The following TERT variants were observed in gnomAD, a reference collection of about 807,000 sequenced individuals.
The protein encoded by TERT is telomerase catalytic subunit.
In TERT, 42 loss-of-function variants were observed where a neutral mutation model predicts 104.0. That is an observed-to-expected ratio of 0.40 (90% CI 0.32 to 0.52). The LOEUF is 0.52. TERT is among the 20% of genes least tolerant of loss of function. The probability of loss-of-function intolerance (pLI) is 0.43; values close to 1 mark genes in which losing one functional copy is unlikely to be tolerated. For synonymous variants in TERT, 781 were observed against 725.6 expected, an observed-to-expected ratio of 1.08 and a Z score of -1.23; for missense variants, 1,101 against 1,610.3, an observed-to-expected ratio of 0.68 and a Z score of 5.41.
At chr5:1,264,859 C>T (rs1193500606) in intron 10 of TERT, among the ~76,000 whole-genome samples, 1 of 152,130 alleles carries the variant, frequency 6.6e-6, no homozygotes, top group Non-Finnish European at 1.5e-5. Context: ...GGAGGTGCAG[C>T]CCCAGTGGCC....
rs530585439 is a variant in TERT at position 1,270,388 on chromosome 5, G to C, written c.2468+731C>G. ...CTTGCTGATGACCTTGAGTGTGCAC[G>C]AATTTCCTCCGTGCTACCACTCTCC... On this transcript the variant is annotated intron_variant, in intron 8 of 15. Transcript: ENST00000310581. The surrounding 1 kb of genome is among the most constrained non-coding windows in gnomAD (Gnocchi z 8.3). 2.6e-5 allele frequency among the ~76,000 whole-genome samples: 4 copies of C among 152,314 alleles called. No homozygotes were observed. Among genetic ancestry groups the C allele is most frequent in the East Asian group, 3.9e-4 (2 of 5,184 alleles).
At chr5:1,275,762 C>A (rs1308320150) in intron 6 of TERT, among the ~76,000 whole-genome samples, 1 of 127,274 alleles carries the variant, frequency 7.9e-6, no homozygotes, top group Non-Finnish European at 1.7e-5. Flanking sequence ...GAAAACCAAT[C>A]CCACAGATCT....
In TERT at chr5:1,271,218, CG is replaced by C. The variant is rs756980454; in HGVS notation, c.2383-15del. On this transcript the variant is annotated splice_polypyrimidine_tract_variant and intron_variant, in intron 7 of 15. Transcript: ENST00000310581. ...CAGGGAGGAGCTCTGCGAAAGCAGA[CG>C]GGAGACACATGGGAGTGAGCCGGTG... 24 of 1,602,958 alleles carry C rather than the reference CG, an allele frequency of 1.5e-5. No homozygotes were observed. Among genetic ancestry groups the C allele is most frequent in the Non-Finnish European group, 2.0e-5 (23 of 1,171,316 alleles).
chr5:1,271,028 C>A, intron 8 of TERT, 91 bp downstream of exon 8: 1 of 1,039,744 alleles, frequency 9.6e-7, no homozygotes, highest in South Asian at 1.3e-5. Flanking sequence ...GGCAGAAGGG[C>A]AGTGGGGAAG....
At chr5:1,264,858 G>A (rs531581115) in intron 10 of TERT, among the ~76,000 whole-genome samples, 2 of 152,242 alleles carry the variant, frequency 1.3e-5, no homozygotes, top group African/African-American at 4.8e-5. Context: ...GGGAGGTGCA[G>A]CCCCAGTGGC....
At chr5:1,291,395 C>A (rs149382195) in intron 2 of TERT, among the ~76,000 whole-genome samples, 7 of 28,596 alleles carry the variant, frequency 2.4e-4, no homozygotes, top group South Asian at 3.0e-3. Flanking sequence ...CCGGGGACAG[C>A]GCCTCACTCA....
chr5:1,255,436 G>T lies in TERT; in HGVS notation c.3033-25C>A. ...CCTGAGAGGATGGCGGACAGCGTCA[G>T]AGGAAAGGCCTCCTAATCAGACGGT... On this transcript the variant is annotated intron_variant, in intron 13 of 15. Transcript: ENST00000310581. The surrounding 1 kb of genome is among the most constrained non-coding windows in gnomAD (Gnocchi z 6.9). 6.2e-7 allele frequency: 1 copy of T among 1,613,818 alleles called. No homozygotes were observed. Among genetic ancestry groups the T allele is most frequent in the Non-Finnish European group, 8.5e-7 (1 of 1,179,980 alleles).
rs898510699 is a variant in TERT at position 1,286,073 on chromosome 5, C to G, written c.1574-3449G>C. Among the ~76,000 whole-genome samples the G allele has an allele frequency of 1.3e-4, 20 of 152,228 alleles. No individual in the cohort carries two copies. Among genetic ancestry groups the G allele is most frequent in the Admixed American group, 8.5e-4 (13 of 15,308 alleles). ...GCGGAGCCACCAGACCCCGACATGC[C>G]TGGGGTTTTCCAGGCTGAACCCAGG... On this transcript the variant is annotated intron_variant, in intron 2 of 15. Transcript: ENST00000310581. This position sits in a 1 kb window ranked among gnomAD's most constrained non-coding sequence, Gnocchi z 5.3.
chr5:1,279,885 G>A (rs1749899004), intron 4 of TERT, among the ~76,000 whole-genome samples: 3 of 152,162 alleles, frequency 2.0e-5, no homozygotes, highest in South Asian at 2.1e-4. Context: ...CCAGGACCTC[G>A]GGCCGTGCTG....
At chr5:1,293,247 C>G in intron 2 of TERT, 66 bp downstream of exon 2, 1 of 1,594,258 alleles carries the variant, frequency 6.3e-7, no homozygotes, top group Non-Finnish European at 8.5e-7. Flanking sequence ...CTGCCTGCCC[C>G]CTTTTCTGAG....
At chr5:1,275,180 G>C (rs1749465217) in intron 6 of TERT, among the ~76,000 whole-genome samples, 1 of 152,138 alleles carries the variant, frequency 6.6e-6, no homozygotes, top group South Asian at 2.1e-4. Context: ...TTCGAGACCA[G>C]CCTGGCCAAC....
chr5:1,277,028 C>A (rs758484926), intron 6 of TERT, among the ~76,000 whole-genome samples: 1 of 152,240 alleles, frequency 6.6e-6, no homozygotes, highest in Non-Finnish European at 1.5e-5. Context: ...GGCAGGCAGG[C>A]GCCCCATACA....
chr5:1,264,268 G>A, intron 11 of TERT, 136 bp downstream of exon 11: 1 of 909,978 alleles, frequency 1.1e-6, no homozygotes, highest in Admixed American at 2.0e-5. Flanking sequence ...GATGGGACGA[G>A]GGGCACCCTG....
rs191039157 is a variant in TERT at position 1,266,338 on chromosome 5, C to T, written c.2654+126G>A. On this transcript the variant is annotated intron_variant, in intron 10 of 15. Coordinates refer to ENST00000310581, the MANE Select transcript of TERT (RefSeq NM_198253.3). The stretch of plus-strand genomic sequence containing the variant: ...CCAAGCGCCTCTGCTCTTGCGGATC[C>T]AGCACCGGCAGAGAGAGAGGACTTG... 2.2e-3 allele frequency: 2,044 copies of T among 939,728 alleles called. 36 individuals are homozygous for T. The highest frequency in any genetic ancestry group is 0.02 in the South Asian group (1,461 of 71,446). 58.2% of individuals were successfully genotyped at this position (939,728 alleles called of 1,614,324 possible). A position where few individuals can be genotyped will look rare whatever the true frequency, so the allele number is the denominator to read the frequency against.
chr5:1,270,398 C>T lies in TERT; in HGVS notation c.2468+721G>A, dbSNP rs916999050. On this transcript the variant is annotated intron_variant, in intron 8 of 15. Transcript: ENST00000310581. The surrounding 1 kb of genome is among the most constrained non-coding windows in gnomAD (Gnocchi z 8.3). ...ACCTTGAGTGTGCACGAATTTCCTC[C>T]GTGCTACCACTCTCCCCAGGCACAC... Among the ~76,000 whole-genome samples the T allele has an allele frequency of 2.6e-5, 4 of 152,210 alleles. No homozygotes were observed. The highest frequency in any genetic ancestry group is 7.2e-5 in the African/African-American group (3 of 41,438).
chr5:1,260,061 G>A (rs1213537795), intron 12 of TERT, among the ~76,000 whole-genome samples: 1 of 152,186 alleles, frequency 6.6e-6, no homozygotes, highest in Admixed American at 6.5e-5. Context: ...AGCCCACCAA[G>A]GCCTGGGACC....
chr5:1,265,171 C>T lies in TERT; in HGVS notation c.2655-579G>A, dbSNP rs1244181732. Among the ~76,000 whole-genome samples the T allele has an allele frequency of 6.6e-6, 1 of 152,204 alleles. No homozygotes were observed. Among genetic ancestry groups the T allele is most frequent in the Admixed American group, 6.5e-5 (1 of 15,288 alleles). ...GGTTCCCTCGCCGAGTCATGAGCCT[C>T]GCTCACCCAGCTCAGGGAGCCCCCC... On this transcript the variant is annotated intron_variant, in intron 10 of 15. Transcript: ENST00000310581. This position sits in a 1 kb window ranked among gnomAD's most constrained non-coding sequence, Gnocchi z 6.9.
rs113720213 is a variant in TERT at position 1,285,483 on chromosome 5, G to A, written c.1574-2859C>T. ...CAATAACACCCTAAAATGATGAGGT[G>A]TGGACATGCTGGGCTTCAGTAAAAT... On this transcript the variant is annotated intron_variant, in intron 2 of 15. Transcript: ENST00000310581. 5.9e-5 allele frequency among the ~76,000 whole-genome samples: 9 copies of A among 151,924 alleles called. 1 individual carries two copies. Among genetic ancestry groups the A allele is most frequent in the African/African-American group, 1.9e-4 (8 of 41,440 alleles).
chr5:1,280,342 C>T lies in TERT; in HGVS notation c.1770-4G>A. 1.2e-6 allele frequency: 2 copies of T among 1,612,146 alleles called. No individual in the cohort carries two copies. The highest frequency in any genetic ancestry group is 1.7e-6 in the Non-Finnish European group (2 of 1,179,938). On this transcript the variant is annotated splice_region_variant and splice_polypyrimidine_tract_variant and intron_variant, in intron 3 of 15. Coordinates refer to ENST00000310581, the MANE Select transcript of TERT (RefSeq NM_198253.3). ...CTGCACCCTCTTCAAGTGCTGTCTGCAATAGAGAGCCCCTCAGGAGGCTTG... is the reference window on the plus strand; with the variant it reads ...CTGCACCCTCTTCAAGTGCTGTCTGTAATAGAGAGCCCCTCAGGAGGCTTG...
Sources: gnomAD v4.1 joint callset for allele counts (sites outside exome capture counted in the v4.1 genomes callset) on GRCh38, gnomAD v4.1.1 for gene constraint, Gnocchi (gnomAD v3.1) non-coding constraint, MANE v1.5 for transcripts, NCBI Gene and HGNC (gene_info 2026-07-23, HGNC 2026-07-21) for gene names.